PRODH2: variants seen among roughly 807,000 people sequenced by gnomAD.
PRODH2 encodes the protein hydroxyproline dehydrogenase.
PRODH2 carries 49 observed loss-of-function variants against 51.9 expected under a neutral mutation model. That is an observed-to-expected ratio of 0.94 (90% CI 0.75 to 1.20). The LOEUF is 1.20. Among genes scored for constraint, PRODH2 ranks in the 50% most tolerant of loss-of-function variants. PRODH2 has a pLI of 0.00. For missense variants in PRODH2, 597 were observed against 610.9 expected (o/e 0.98, Z 0.24); for synonymous variants, 249 against 260.7 (o/e 0.96, Z 0.43).
intron 4 of PRODH2, among the ~76,000 whole-genome samples, chr19:35,809,107 T>TCTTCCTTC (rs3030903): frequency 1.7e-4 from 25 of 149,818 alleles, no homozygotes; most frequent in African/African-American, 6.2e-4. Context: ...TTTATTTCTT[T>TCTTCCTTC]CTTCCTTCCT....
rs1236197144 is a variant in PRODH2, at chr19:35,812,022, C to T, written c.537G>A (p.Arg179=). ...LCKELASWVR[R]PGASLELSPE... ...GGCTCAGCTCCAAGGAGGCTCCTGG[C>T]CTTCTGACCCACGAGGCTAGCTCCT... is the stretch of plus-strand genomic sequence containing the variant. Residue 179 remains arginine, a synonymous_variant, in exon 4 of 10, where the codon AGG becomes AGA. Transcript: ENST00000653904. 6.2e-7 allele frequency: 1 copy of T among 1,614,094 alleles called. No individual in the cohort carries two copies. Among genetic ancestry groups the T allele is most frequent in the Non-Finnish European group, 8.5e-7 (1 of 1,180,040 alleles).
At chr19:35,802,808 AAG>A (rs199871822) in intron 8 of PRODH2, among the ~76,000 whole-genome samples, 158 bp downstream of exon 8, 2,837 of 151,896 alleles carry the variant, frequency 0.019, 36 homozygotes, top group Non-Finnish European at 0.032. Flanking sequence ...TCGCCTCCCA[AAG>A]TGTTGGGATT....
intron 7 of PRODH2, 41 bp from the exon 8 acceptor site, chr19:35,803,119 G>A (rs1972459684): frequency 7.0e-7 from 1 of 1,421,550 alleles, no homozygotes; most frequent in Non-Finnish European, 9.4e-7. Context: ...GGTGAGCGAG[G>A]GTCAGGCCCC....
rs73594420 is a variant in PRODH2 at position 35,807,120 on chromosome 19, T to C, written c.599A>G (p.Asn200Ser). The change falls in exon 5 of 10, where the codon AAC (asparagine) becomes AGC (serine). Residue 200 changes from asparagine to serine, a missense_variant and splice_region_variant. Physicochemically the swap from Asn to Ser is conservative, Grantham distance 46 (BLOSUM62 1). Coordinates refer to ENST00000653904, the MANE Select transcript of PRODH2 (RefSeq NM_021232.2). Reference protein sequence around the residue: ...RLAEAMDSGQNLQVSCLNAEQ... With the variant: ...RLAEAMDSGQSLQVSCLNAEQ... ...AGCATTGAGGCAGGAGACCTGGAGGTTCTAGGGGGCAGCAGGGGAAGTGGG... is the reference window on the plus strand; with the variant it reads ...AGCATTGAGGCAGGAGACCTGGAGGCTCTAGGGGGCAGCAGGGGAAGTGGG... 29,630 of 1,550,230 alleles carry C rather than the reference T, an allele frequency of 0.019. 3,316 individuals are homozygous for C. In the African/African-American group the frequency reaches 0.29, roughly 15 times the overall value.
At chr19:35,802,832 C>T in intron 8 of PRODH2, 136 bp downstream of exon 8, 1 of 613,928 alleles carries the variant, frequency 1.6e-6, no homozygotes, top group Non-Finnish European at 2.7e-6. Context: ...TAGGCATGTG[C>T]CAACCATGCC....
intron 4 of PRODH2, among the ~76,000 whole-genome samples, chr19:35,809,119 C>G (rs373378038): frequency 2.6e-5 from 4 of 151,162 alleles, no homozygotes; most frequent in Non-Finnish European, 5.9e-5. Context: ...TTCCTTCCTT[C>G]CTTCCTTCCT....
intron 7 of PRODH2, among the ~76,000 whole-genome samples, chr19:35,803,716 A>G (rs1417519247): frequency 6.6e-6 from 1 of 152,222 alleles, no homozygotes; most frequent in Non-Finnish European, 1.5e-5. Flanking sequence ...TCACTGCTGC[A>G]TTGTCAACAG....
intron 7 of PRODH2, among the ~76,000 whole-genome samples, chr19:35,804,782 A>G (rs992929242): frequency 6.6e-6 from 1 of 152,160 alleles, no homozygotes; most frequent in Admixed American, 6.5e-5. Flanking sequence ...ACAAAAATAA[A>G]AAAATGTGTT....
chr19:35,809,092 C>G (rs1448833806), intron 4 of PRODH2, among the ~76,000 whole-genome samples: 1 of 150,154 alleles, frequency 6.7e-6, no homozygotes, highest in Non-Finnish European at 1.5e-5. Flanking sequence ...TTTTTTCTTT[C>G]TTTCTTTATT....
chr19:35,802,976 T>C lies in PRODH2; in HGVS notation c.1104A>G (p.Ala368=), dbSNP rs1390789066. The C allele has an allele frequency of 6.4e-7, 1 of 1,556,918 alleles. No individual in the cohort carries two copies. Among genetic ancestry groups the C allele is most frequent in the Non-Finnish European group, 8.7e-7 (1 of 1,144,712 alleles). ...ATCCCTCCACCTCATACCGCTTGGT[T>C]GCCTGGCGAACAGATTCCTCATTGT... ...ASHNEESVRQ[A]TKRMWELGIP... is the part of the protein sequence containing the mutation. Residue 368 remains alanine, a synonymous_variant, in exon 8 of 10, where the codon GCA becomes GCG. Coordinates refer to ENST00000653904, the MANE Select transcript of PRODH2 (RefSeq NM_021232.2).
intron 8 of PRODH2, chr19:35,802,509 G>T: frequency 1.7e-6 from 1 of 585,358 alleles, no homozygotes; most frequent in Non-Finnish European, 3.1e-6. Flanking sequence ...GCAACGTCTT[G>T]TCCATCTGGG....
In PRODH2 at chr19:35,802,526, A is replaced by G. The variant is rs1262633862; in HGVS notation, c.1113-250T>C. 5 of 567,128 alleles carry G rather than the reference A, an allele frequency of 8.8e-6. No homozygotes were observed. The South Asian group carries it at 1.0e-4, about 12-fold the overall frequency. 35.1% of individuals were successfully genotyped at this position (567,128 alleles called of 1,614,324 possible). A position where few individuals can be genotyped will look rare whatever the true frequency, so the allele number is the denominator to read the frequency against. Reference sequence around the variant, plus strand: ...AACGTCTTGTCCATCTGGGACCTATAAGGACTTACAGGTATAGCAGGGGTT... The same window carrying G: ...AACGTCTTGTCCATCTGGGACCTATGAGGACTTACAGGTATAGCAGGGGTT... On this transcript the variant is annotated intron_variant, in intron 8 of 9. Coordinates refer to ENST00000653904, the MANE Select transcript of PRODH2 (RefSeq NM_021232.2).
chr19:35,800,662 C>T (rs1972408096), intron 9 of PRODH2, among the ~76,000 whole-genome samples: 1 of 151,770 alleles, frequency 6.6e-6, no homozygotes, highest in Admixed American at 6.6e-5. Flanking sequence ...GATAAAATTT[C>T]TAACTGAAAA....
rs567749064 is a variant in PRODH2 at position 35,805,239 on chromosome 19, A to T, written c.1001+1191T>A. Among the ~76,000 whole-genome samples, 6 of 152,284 alleles carry T rather than the reference A, an allele frequency of 3.9e-5. No individual in the cohort carries two copies. In the East Asian group the frequency reaches 1.2e-3, roughly 29 times the overall value. On this transcript the variant is annotated intron_variant, in intron 7 of 9. Transcript: ENST00000653904. ...TTGTGAATTCTATGATACGTGAATT[A>T]TATTTCAATATTTAAAATAATAGTG... is the stretch of plus-strand genomic sequence containing the variant.
intron 4 of PRODH2, among the ~76,000 whole-genome samples, chr19:35,809,881 C>A (rs1169523235): frequency 7.1e-6 from 1 of 140,246 alleles, no homozygotes; most frequent in Admixed American, 7.8e-5. Context: ...ATCGTTTGAA[C>A]CCGGGAGGCG....
chr19:35,806,767 G>A lies in PRODH2; in HGVS notation c.742C>T (p.Leu248Phe). 1.2e-6 allele frequency: 2 copies of A among 1,613,640 alleles called. No homozygotes were observed. Among genetic ancestry groups the A allele is most frequent in the South Asian group, 2.2e-5 (2 of 91,012 alleles). Reference sequence around the variant, plus strand: ...GCCAGGGCAGCCACCAGCAGCGAGAGCGCAGGGTTCAGTGAGGTGTACTCC... The same window carrying A: ...GCCAGGGCAGCCACCAGCAGCGAGAACGCAGGGTTCAGTGAGGTGTACTCC... ...DAEYTSLNPALSLLVAALAVR... is the reference protein window; with the variant it reads ...DAEYTSLNPAFSLLVAALAVR... The change falls in exon 6 of 10, where the codon CTC becomes TTC. Residue 248 changes from leucine to phenylalanine, a missense_variant. Coordinates refer to ENST00000653904, the MANE Select transcript of PRODH2 (RefSeq NM_021232.2).
rs186000970 is a variant in PRODH2 at position 35,805,094 on chromosome 19, G to A, written c.1001+1336C>T. ...GGGGAGGAGGGAACAGAAGGCAGCT[G>A]ACTGCTCATTGGTATGAGGTTACTT... On this transcript the variant is annotated intron_variant, in intron 7 of 9. Coordinates refer to ENST00000653904, the MANE Select transcript of PRODH2 (RefSeq NM_021232.2). Among the ~76,000 whole-genome samples the A allele has an allele frequency of 6.6e-5, 10 of 152,172 alleles. No homozygotes were observed. In the East Asian group the frequency reaches 1.7e-3, roughly 26 times the overall value.
In PRODH2 at chr19:35,803,651, G is replaced by A. The variant is rs114434116; in HGVS notation, c.1002-573C>T. ...ATGAAGTCTTTGGGACAGTGGCGGC[G>A]GTCTCACAGGAGAGGGTCGCATCAC... On this transcript the variant is annotated intron_variant, in intron 7 of 9. Coordinates refer to ENST00000653904, the MANE Select transcript of PRODH2 (RefSeq NM_021232.2). 4.4e-3 allele frequency among the ~76,000 whole-genome samples: 672 copies of A among 152,290 alleles called. 6 individuals are homozygous for A. Among genetic ancestry groups the A allele is most frequent in the African/African-American group, 0.016 (651 of 41,562 alleles).
intron 7 of PRODH2, among the ~76,000 whole-genome samples, chr19:35,805,502 G>C (rs1291906643): frequency 6.6e-6 from 1 of 152,020 alleles, no homozygotes; most frequent in Non-Finnish European, 1.5e-5. Flanking sequence ...CCTGACCTCA[G>C]GTGATCTGCC....
Sources: allele counts gnomAD v4.1 joint callset (sites outside exome capture counted in the v4.1 genomes callset), GRCh38; gene constraint gnomAD v4.1.1; transcripts MANE v1.5; gene names NCBI Gene and HGNC (gene_info 2026-07-23, HGNC 2026-07-21).